The following SCHIP1 variants were observed in gnomAD, a reference collection of about 807,000 sequenced individuals.
SCHIP1 encodes the protein schwannomin-interacting protein 1.
In SCHIP1, 8 loss-of-function variants were observed where a neutral mutation model predicts 29.7. The ratio of observed to expected loss-of-function variants is 0.27; its 90% CI spans 0.16 to 0.49. The LOEUF (loss-of-function observed/expected upper bound fraction) is 0.49, where lower values mean the gene tolerates loss of function less well. Ranked by LOEUF, SCHIP1 falls within the 20% of genes least tolerant of loss-of-function variation. The pLI is 0.99. For missense variants in SCHIP1, 193 were observed against 294.6 expected (o/e 0.66, Z 2.52); for synonymous variants, 76 against 94.9 (o/e 0.80, Z 1.16).
the SCHIP1 span, among the ~76,000 whole-genome samples, chr3:159,277,832 T>C: frequency 1.3e-5 from 2 of 151,920 alleles, no homozygotes; most frequent in South Asian, 4.2e-4. Flanking sequence ...GGCGAATCAC[T>C]TGAACCCACT....
chr3:159,790,457 G>A, the SCHIP1 span, among the ~76,000 whole-genome samples: 1 of 152,188 alleles, frequency 6.6e-6, no homozygotes, highest in East Asian at 1.9e-4. Flanking sequence ...TTGAAAGGCG[G>A]GCGGATCACT....
the SCHIP1 span, among the ~76,000 whole-genome samples, chr3:159,626,251 TATAGATAG>T: frequency 0.01 from 972 of 93,706 alleles, 9 homozygotes; most frequent in Non-Finnish European, 0.01. Flanking sequence ...TATCTATCTA[TATAGATAG>T]ATAGATAGAT....
chr3:159,453,240 A>C, the SCHIP1 span, among the ~76,000 whole-genome samples: 1 of 152,182 alleles, frequency 6.6e-6, no homozygotes, highest in African/African-American at 2.4e-5. Flanking sequence ...TTTTTAGCCC[A>C]CTGTGTGACC....
At chr3:159,889,948 T>G (rs373885745) in intron 5 of SCHIP1, among the ~76,000 whole-genome samples, 1 of 151,830 alleles carries the variant, frequency 6.6e-6, no homozygotes, top group Non-Finnish European at 1.5e-5. Context: ...TACAAAAAAT[T>G]AGCTGGGCAT....
chr3:159,576,034 A>C, the SCHIP1 span, among the ~76,000 whole-genome samples: 12 of 152,188 alleles, frequency 7.9e-5, no homozygotes, highest in Admixed American at 2.0e-4. Flanking sequence ...AAGTTCATTC[A>C]GTAATTAACT....
At chr3:159,708,475 T>A in the SCHIP1 span, among the ~76,000 whole-genome samples, 1 of 152,200 alleles carries the variant, frequency 6.6e-6, no homozygotes, top group South Asian at 2.1e-4. Flanking sequence ...GGATGAATTT[T>A]TTTTAAGTTG....
the SCHIP1 span, among the ~76,000 whole-genome samples, chr3:159,372,337 T>C: frequency 1.3e-5 from 2 of 152,056 alleles, no homozygotes; most frequent in Non-Finnish European, 2.9e-5. Context: ...AAGCTGAAAA[T>C]GGACCCATGT....
At chr3:159,477,678 C>T in the SCHIP1 span, among the ~76,000 whole-genome samples, 1 of 152,088 alleles carries the variant, frequency 6.6e-6, no homozygotes, top group Non-Finnish European at 1.5e-5. Context: ...TAGATGTTAA[C>T]CCCTTATCAA....
At chr3:159,626,176 CTATCTAGATAGATAGATAGA>C in the SCHIP1 span, among the ~76,000 whole-genome samples, 1 of 71,346 alleles carries the variant, frequency 1.4e-5, no homozygotes, top group Non-Finnish European at 2.3e-5. Context: ...ATATATCTAT[CTATCTAGATAGATAGATAGA>C]TAGATAGATA....
chr3:159,453,617 C>T, the SCHIP1 span, among the ~76,000 whole-genome samples: 2,128 of 152,256 alleles, frequency 0.014, 26 homozygotes, highest in Non-Finnish European at 0.023. Context: ...CTTTGAGGTT[C>T]ACCATCATAA....
the SCHIP1 span, among the ~76,000 whole-genome samples, chr3:159,410,746 C>T: frequency 2.0e-3 from 309 of 152,128 alleles, no homozygotes; most frequent in African/African-American, 6.8e-3. Flanking sequence ...AATAGAGCTA[C>T]CATATGATCC....
At chr3:159,371,787 T>C in the SCHIP1 span, among the ~76,000 whole-genome samples, 1 of 152,218 alleles carries the variant, frequency 6.6e-6, no homozygotes, top group African/African-American at 2.4e-5. Flanking sequence ...GTAAATGCTA[T>C]GTAGATATTA....
chr3:159,668,911 A>G, the SCHIP1 span, among the ~76,000 whole-genome samples: 1 of 140,124 alleles, frequency 7.1e-6, no homozygotes, highest in Non-Finnish European at 1.6e-5. Context: ...ATCTAAAAGG[A>G]AAAAAAAAAT....
At chr3:159,402,316 C>T in the SCHIP1 span, among the ~76,000 whole-genome samples, 3 of 152,298 alleles carry the variant, frequency 2.0e-5, no homozygotes, top group South Asian at 4.1e-4. Context: ...AATAGGAACA[C>T]TTTTACAGTG....
At chr3:159,604,899 A>G in the SCHIP1 span, among the ~76,000 whole-genome samples, 1 of 152,218 alleles carries the variant, frequency 6.6e-6, no homozygotes, top group East Asian at 1.9e-4. Context: ...ATGATCAGCC[A>G]TAACCTCACG....
chr3:159,613,534 G>A, the SCHIP1 span, among the ~76,000 whole-genome samples: 17 of 152,210 alleles, frequency 1.1e-4, no homozygotes, highest in East Asian at 3.1e-3. Context: ...CTGTTTGAAG[G>A]CATTTTCACT....
At chr3:159,714,433 G>A in the SCHIP1 span, among the ~76,000 whole-genome samples, 868 of 152,286 alleles carry the variant, frequency 5.7e-3, 14 homozygotes, top group African/African-American at 0.02. Flanking sequence ...AGCCGAAGCA[G>A]GGCAAGGCAT....
the SCHIP1 span, among the ~76,000 whole-genome samples, chr3:159,514,782 G>C: frequency 6.6e-6 from 1 of 152,128 alleles, no homozygotes; most frequent in Non-Finnish European, 1.5e-5. Context: ...CTGCAGACTT[G>C]GTATCCAGCT....
chr3:159,427,107 A>G, the SCHIP1 span, among the ~76,000 whole-genome samples: 1 of 152,216 alleles, frequency 6.6e-6, no homozygotes, highest in Non-Finnish European at 1.5e-5. Context: ...TGGAATGGGC[A>G]AAAACTGGAA....
Sources: allele counts gnomAD v4.1 joint callset (sites outside exome capture counted in the v4.1 genomes callset), GRCh38; gene constraint gnomAD v4.1.1; transcripts MANE v1.5; gene names NCBI Gene and HGNC (gene_info 2026-07-23, HGNC 2026-07-21).